MRTFA: variants seen among roughly 807,000 people sequenced by gnomAD.
MRTFA encodes the protein myocardin related transcription factor A.
In MRTFA, 20 loss-of-function variants were observed where a neutral mutation model predicts 83.5. That is an observed-to-expected ratio of 0.24 (90% CI 0.17 to 0.35). The LOEUF (loss-of-function observed/expected upper bound fraction) is 0.35. Ranked by LOEUF, MRTFA falls within the 10% of genes least tolerant of loss-of-function variation. The pLI, the probability that MRTFA is intolerant of heterozygous loss-of-function variation, is 1.00. For synonymous variants in MRTFA, 659 were observed against 541.2 expected (o/e 1.22, Z -3.02); for missense variants, 1,200 against 1,224.7 (o/e 0.98, Z 0.30).
chr22:40,568,352 C>CAGAGTTTGTG (rs899321243), intron 2 of MRTFA, among the ~76,000 whole-genome samples: 6 of 152,164 alleles, frequency 3.9e-5, no homozygotes, highest in African/African-American at 1.4e-4. Flanking sequence ...GAATACAGTA[C>CAGAGTTTGTG]AGAGTTTGTG....
intron 1 of MRTFA, among the ~76,000 whole-genome samples, chr22:40,604,330 C>G (rs1237318827): frequency 1.3e-5 from 2 of 151,882 alleles, no homozygotes; most frequent in Non-Finnish European, 2.9e-5. Flanking sequence ...CAGGGTTTCA[C>G]TGTCTTAGCC....
intron 3 of MRTFA, among the ~76,000 whole-genome samples, chr22:40,509,513 T>C (rs2054633068): frequency 6.6e-6 from 1 of 152,248 alleles, no homozygotes; most frequent in Non-Finnish European, 1.5e-5. Flanking sequence ...AGTGAGAGTT[T>C]CTAAACTTTC....
At chr22:40,513,755 A>T (rs1394258140) in intron 3 of MRTFA, among the ~76,000 whole-genome samples, 2 of 152,172 alleles carry the variant, frequency 1.3e-5, no homozygotes, top group Non-Finnish European at 2.9e-5. Context: ...ACTAATCAGT[A>T]AGGCAAAATA....
chr22:40,453,926 A>G (rs2053540662), intron 4 of MRTFA, among the ~76,000 whole-genome samples: 1 of 152,216 alleles, frequency 6.6e-6, no homozygotes, highest in East Asian at 1.9e-4. Context: ...GAGGTTAAAA[A>G]GAAACATCTA....
chr22:40,471,686 C>A (rs2053918053), intron 3 of MRTFA, among the ~76,000 whole-genome samples: 1 of 152,040 alleles, frequency 6.6e-6, no homozygotes, highest in South Asian at 2.1e-4. Context: ...AGTTCGAGAC[C>A]AGCCTGGGCA....
intron 9 of MRTFA, among the ~76,000 whole-genome samples, chr22:40,423,089 C>T (rs1040490748): frequency 6.6e-6 from 1 of 152,162 alleles, no homozygotes; most frequent in African/African-American, 2.4e-5. Context: ...CACAGGTCCC[C>T]CACACCGACA....
Position 40,419,021 on chromosome 22 carries a change from C to A in MRTFA, c.1717G>T (p.Gly573Trp). Residue 573 changes from glycine (G) to tryptophan (W), a missense_variant, in exon 12 of 15, where the codon GGG becomes TGG. Transcript: ENST00000355630. ...GTCACCATCTCACCAAAGGTGTCCC[C>A]GGGGGTGGAGTTTTCATCGCCCGTG... 1 of 1,612,558 alleles carries A rather than the reference C, an allele frequency of 6.2e-7. No homozygotes were observed. The highest frequency in any genetic ancestry group is 8.5e-7 in the Non-Finnish European group (1 of 1,179,834).
chr22:40,464,852 A>AT (rs1206160478), intron 3 of MRTFA, among the ~76,000 whole-genome samples: 1 of 152,020 alleles, frequency 6.6e-6, no homozygotes, highest in African/African-American at 2.4e-5. Flanking sequence ...CTTTCCCAGT[A>AT]TTTTTTAAAT....
chr22:40,492,131 T>A (rs1341797756), intron 3 of MRTFA, among the ~76,000 whole-genome samples: 1 of 151,998 alleles, frequency 6.6e-6, no homozygotes. Context: ...CTGGAGGAGA[T>A]TCGAGTCTCC....
At chr22:40,631,097 T>C (rs1412127123) in intron 1 of MRTFA, among the ~76,000 whole-genome samples, 2 of 152,216 alleles carry the variant, frequency 1.3e-5, no homozygotes, top group African/African-American at 4.8e-5. Context: ...GGTCTTATTT[T>C]AACTGTGGAA....
At chr22:40,436,366 T>C (rs926070729) in intron 4 of MRTFA, 2 of 154,388 alleles carry the variant, frequency 1.3e-5, no homozygotes, top group Admixed American at 1.3e-4. Flanking sequence ...ATATGTCCAC[T>C]CGGCACTATT....
chr22:40,552,071 A>C, intron 3 of MRTFA, 35 bp downstream of exon 3: 2 of 397,990 alleles, frequency 5.0e-6, no homozygotes, highest in East Asian at 7.1e-5. Flanking sequence ...ATCCTGGTTC[A>C]AATCAGGGAA....
chr22:40,610,240 G>A (rs143366115), intron 1 of MRTFA, among the ~76,000 whole-genome samples: 19 of 151,864 alleles, frequency 1.3e-4, no homozygotes, highest in African/African-American at 3.1e-4. Flanking sequence ...TAGAGATAAG[G>A]TTTCACCATG....
chr22:40,519,342 T>C (rs907729430), intron 3 of MRTFA: 2 of 1,067,096 alleles, frequency 1.9e-6, no homozygotes, highest in African/African-American at 1.6e-5. Context: ...ACTTAGAGAC[T>C]ACCCTCTAGA....
At chr22:40,618,367 G>A (rs1170118643) in intron 1 of MRTFA, among the ~76,000 whole-genome samples, 3 of 151,458 alleles carry the variant, frequency 2.0e-5, no homozygotes, top group South Asian at 2.1e-4. Flanking sequence ...TGGGATTACA[G>A]GCATGAGCCA....
chr22:40,543,773 TAAA>T (rs2055325132), intron 3 of MRTFA, among the ~76,000 whole-genome samples: 1 of 152,188 alleles, frequency 6.6e-6, no homozygotes, highest in Admixed American at 6.5e-5. Context: ...TATAATATTA[TAAA>T]AATATCAGTT....
intron 3 of MRTFA, among the ~76,000 whole-genome samples, chr22:40,534,418 G>A (rs2055132340): frequency 1.3e-5 from 2 of 152,200 alleles, no homozygotes; most frequent in African/African-American, 4.8e-5. Flanking sequence ...CATACGGTCT[G>A]TGAATAGACA....
chr22:40,418,879 C>A lies in MRTFA; in HGVS notation c.1859G>T (p.Gly620Val). ...CTGCAGCATCTGGTCCTTGTCGCGCCCCTCTAGCTCCGCCCGCCCCCCAGG... is the reference window on the plus strand; with the variant it reads ...CTGCAGCATCTGGTCCTTGTCGCGCACCTCTAGCTCCGCCCGCCCCCCAGG... Residue 620 changes from glycine (G) to valine (V), a missense_variant, in exon 12 of 15, where the codon GGG (glycine) becomes GTG (valine). Coordinates refer to ENST00000355630, the MANE Select transcript of MRTFA (RefSeq NM_020831.6). The A allele has an allele frequency of 6.2e-7, 1 of 1,612,466 alleles. No homozygotes were observed. Among genetic ancestry groups the A allele is most frequent in the Non-Finnish European group, 8.5e-7 (1 of 1,179,790 alleles).
At chr22:40,435,064 G>A (rs2053141884) in intron 5 of MRTFA, among the ~76,000 whole-genome samples, 1 of 152,146 alleles carries the variant, frequency 6.6e-6, no homozygotes, top group South Asian at 2.1e-4. Context: ...CCTGCCCCTT[G>A]GAATGCCCGT....
Sources: allele counts gnomAD v4.1 joint callset (sites outside exome capture counted in the v4.1 genomes callset), GRCh38; gene constraint gnomAD v4.1.1; transcripts MANE v1.5; gene names NCBI Gene and HGNC (gene_info 2026-07-23, HGNC 2026-07-21).